The following SPNS1 variants were observed in gnomAD, a reference collection of about 807,000 sequenced individuals.
SPNS1 encodes the protein SPNS lysolipid transporter 1, lysophospholipid.
Under a neutral mutation model 50.3 loss-of-function variants are expected in SPNS1, and 22 were observed. The ratio of observed to expected loss-of-function variants is 0.44; its 90% CI spans 0.31 to 0.62. The LOEUF (loss-of-function observed/expected upper bound fraction) is 0.62, where lower values mean the gene tolerates loss of function less well. Ranked by LOEUF, SPNS1 falls within the 20% of genes least tolerant of loss-of-function variation. The pLI is 0.07. For synonymous variants in SPNS1, 295 were observed against 317.4 expected, an observed-to-expected ratio of 0.93 and a Z score of 0.75; for missense variants, 576 against 728.6, an observed-to-expected ratio of 0.79 and a Z score of 2.41.
rs193095728 is a variant in SPNS1, at chr16:28,981,796, C to G, written c.810-105C>G. On this transcript the variant is annotated intron_variant, in intron 6 of 11. Coordinates refer to ENST00000311008, the MANE Select transcript of SPNS1 (RefSeq NM_032038.3). The surrounding 1 kb of genome is among the most constrained non-coding windows in gnomAD (Gnocchi z 4.2). ...CCTGGGAGCCAGAACCACCTCTGCA[C>G]GGTGTTGTGACCTTACTAAAATAAG... is the stretch of plus-strand genomic sequence containing the variant. 2.3e-5 allele frequency: 35 copies of G among 1,525,800 alleles called. No individual in the cohort carries two copies. The African/African-American group carries it at 4.2e-4, about 18-fold the overall frequency. 94.5% of individuals were successfully genotyped at this position (1,525,800 alleles called of 1,614,324 possible).
rs1352416890 is a variant in SPNS1 at position 28,975,118 on chromosome 16, A to G, written c.-34A>G. On this transcript the variant is annotated 5_prime_UTR_variant, in exon 1 of 12. Transcript: ENST00000311008. ...CCTCGCAGGTGGGATCGTCGGTGGG[A>G]CCGGAGCGCGGGCGGGCGCGGCCCC... is the stretch of plus-strand genomic sequence containing the variant. The G allele has an allele frequency of 6.8e-7, 1 of 1,465,770 alleles. No homozygotes were observed. The highest frequency in any genetic ancestry group is 9.0e-7 in the Non-Finnish European group (1 of 1,112,790). The allele number at this position is 1,465,770 out of a possible 1,614,324, so 90.8% of individuals were successfully genotyped here.
chr16:28,983,130 C>T lies in SPNS1; in HGVS notation c.1222-62C>T, dbSNP rs1337765972. ...AGGCGGATCCTTGGTGGTCTCCTGG[C>T]CCCCTGCCTCCTGCCCCCTGGAGCC... On this transcript the variant is annotated intron_variant, in intron 9 of 11. Transcript: ENST00000311008. This position sits in a 1 kb window ranked among gnomAD's most constrained non-coding sequence, Gnocchi z 5.4. The T allele has an allele frequency of 2.2e-6, 3 of 1,386,748 alleles. No individual in the cohort carries two copies. The highest frequency in any genetic ancestry group is 1.7e-5 in the Admixed American group (1 of 58,660). 85.9% of individuals were successfully genotyped at this position (1,386,748 alleles called of 1,614,324 possible).
At chr16:28,977,660 C>T (rs1438069790) in intron 2 of SPNS1, among the ~76,000 whole-genome samples, 1 of 152,094 alleles carries the variant, frequency 6.6e-6, no homozygotes, top group African/African-American at 2.4e-5. Flanking sequence ...CTTGTTTTGG[C>T]TAGGTGGAAG....
Position 28,975,031 on chromosome 16 carries a change from C to T in SPNS1, c.-121C>T. 7.0e-7 allele frequency: 1 copy of T among 1,432,778 alleles called. No homozygotes were observed. 88.8% of individuals were successfully genotyped at this position (1,432,778 alleles called of 1,614,324 possible). On this transcript the variant is annotated 5_prime_UTR_variant, in exon 1 of 12. Transcript: ENST00000311008. ...TGCTCTGTGCTTCAGGGCAAGCTCC[C>T]CGTCTCCGGGCGCACTTCCCTCGCC...
chr16:28,984,282 G>C lies in SPNS1; in HGVS notation c.1570G>C (p.Ala524Pro). 1 of 1,612,592 alleles carries C rather than the reference G, an allele frequency of 6.2e-7. No homozygotes were observed. The highest frequency in any genetic ancestry group is 8.5e-7 in the Non-Finnish European group (1 of 1,179,870). The change falls in exon 12 of 12, where the codon GCC becomes CCC. Residue 524 changes from alanine (A) to proline (P), a missense_variant. By Grantham distance (27) the Ala-to-Pro change is conservative. This residue lies in a region of SPNS1 where 428 missense variants were observed against 520.1 expected (regional missense o/e 0.82). Coordinates refer to ENST00000311008, the MANE Select transcript of SPNS1 (RefSeq NM_032038.3). The stretch of plus-strand genomic sequence containing the variant: ...GGGCCGCTCCACCCGCGTGCCCGTG[G>C]CCAGTGTGCTCATCTGAGAGGCTGC... ...QRGRSTRVPV[A>P]SVLI
Position 28,974,791 on chromosome 16 carries a change from T to C in SPNS1, c.-361T>C. The C allele has an allele frequency of 2.6e-6, 4 of 1,535,586 alleles. No individual in the cohort carries two copies. Among genetic ancestry groups the C allele is most frequent in the Non-Finnish European group, 3.5e-6 (4 of 1,146,514 alleles). ...GGCTCCCGCGTCACATGACCGGCTT[T>C]AAGCAACATGGCGGCTGCCGTGGTG... On this transcript the variant is annotated 5_prime_UTR_variant, in exon 1 of 12. Coordinates refer to ENST00000311008, the MANE Select transcript of SPNS1 (RefSeq NM_032038.3).
Position 28,975,069 on chromosome 16 carries a change from A to T in SPNS1, c.-83A>T. 7.0e-7 allele frequency: 1 copy of T among 1,437,774 alleles called. No individual in the cohort carries two copies. Among genetic ancestry groups the T allele is most frequent in the South Asian group, 1.4e-5 (1 of 69,056 alleles). 89.1% of individuals were successfully genotyped at this position (1,437,774 alleles called of 1,614,324 possible). A position where few individuals can be genotyped will look rare whatever the true frequency, so the allele number is the denominator to read the frequency against. ...CACTTCCCTCGCCTGTGTTCGGTCC[A>T]TCCTCCTTTCTCCAGCCTCCTCCCC... is the stretch of plus-strand genomic sequence containing the variant. On this transcript the variant is annotated 5_prime_UTR_variant, in exon 1 of 12. Coordinates refer to ENST00000311008, the MANE Select transcript of SPNS1 (RefSeq NM_032038.3).
At chr16:28,982,659 C>A in intron 8 of SPNS1, 114 bp downstream of exon 8, 1 of 1,338,758 alleles carries the variant, frequency 7.5e-7, no homozygotes, top group East Asian at 2.3e-5. Context: ...TCTGGCTCTT[C>A]CCAGCTGTGT....
intron 7 of SPNS1, 38 bp downstream of exon 7, chr16:28,982,094 G>A: frequency 6.2e-7 from 1 of 1,602,586 alleles, no homozygotes. Flanking sequence ...CCTGCGGGTG[G>A]CAGGGCTGGA....
At chr16:28,979,582 G>T in intron 5 of SPNS1, 111 bp downstream of exon 5, 2 of 1,159,624 alleles carry the variant, frequency 1.7e-6, no homozygotes, top group Admixed American at 1.9e-5. Context: ...ACAGGGTCTT[G>T]TTGTGTCACC....
chr16:28,982,038 C>T lies in SPNS1; in HGVS notation c.947C>T (p.Ser316Phe), dbSNP rs757305402. The T allele has an allele frequency of 6.2e-6, 10 of 1,613,940 alleles. No homozygotes were observed. The East Asian group carries it at 1.1e-4, about 18-fold the overall frequency. ...ACCCCACCCTGCCTTCCCGGAGACT[C>T]CTGCTCTTCCTCTGACAGGTGCCCA... ...GETPPCLPGD[S>F]CSSSDSLIFG... Residue 316 changes from serine (S) to phenylalanine (F), a missense_variant, in exon 7 of 12, where the codon TCC becomes TTC. Physicochemically the swap from Ser to Phe is radical, Grantham distance 155 (BLOSUM62 -2). Around this residue, in one of 3 missense-constraint regions of SPNS1, gnomAD observed 428 missense variants for 520.1 expected, o/e 0.82. Coordinates refer to ENST00000311008, the MANE Select transcript of SPNS1 (RefSeq NM_032038.3).
At chr16:28,982,624 G>A in intron 8 of SPNS1, 79 bp downstream of exon 8, 4 of 1,466,442 alleles carry the variant, frequency 2.7e-6, no homozygotes, top group Non-Finnish European at 3.7e-6. Context: ...CACTCGAGGT[G>A]GAATGCCTGG....
chr16:28,978,441 C>T (rs955669687), intron 3 of SPNS1: 28 of 178,426 alleles, frequency 1.6e-4, no homozygotes, highest in African/African-American at 6.3e-4. Flanking sequence ...GCCTGCTCAC[C>T]CCTCGAGCGC....
chr16:28,979,498 G>A (rs1438837144), intron 5 of SPNS1, 27 bp downstream of exon 5: 1 of 1,612,244 alleles, frequency 6.2e-7, no homozygotes, highest in East Asian at 2.2e-5. Flanking sequence ...CCTGGGGGTA[G>A]GTCAGCGACG....
intron 5 of SPNS1, 186 bp downstream of exon 5, chr16:28,979,657 C>T: frequency 1.6e-6 from 1 of 627,554 alleles, no homozygotes; most frequent in Non-Finnish European, 2.8e-6. Flanking sequence ...CTCAAGTGAT[C>T]CTCCCACCTC....
intron 9 of SPNS1, 33 bp downstream of exon 9, chr16:28,982,955 G>A: frequency 6.2e-7 from 1 of 1,611,876 alleles, no homozygotes; most frequent in Non-Finnish European, 8.5e-7. Context: ...GGTCAGCGCA[G>A]AGGCTGATGA....
At position 28,983,931 on chromosome 16, in the gene SPNS1, G is replaced by C; in HGVS notation, c.1466G>C (p.Arg489Pro). The C allele has an allele frequency of 6.3e-7, 1 of 1,593,274 alleles. No homozygotes were observed. Among genetic ancestry groups the C allele is most frequent in the Non-Finnish European group, 8.5e-7 (1 of 1,175,954 alleles). Residue 489 changes from arginine (R) to proline (P), a missense_variant, in exon 11 of 12, where the codon CGC (arginine) becomes CCC (proline). Physicochemically the swap from Arg to Pro is moderately radical, Grantham distance 103 (BLOSUM62 -2). Transcript: ENST00000311008. The surrounding 1 kb of genome is among the most constrained non-coding windows in gnomAD (Gnocchi z 5.4). ...LGTAIFIEAD[R>P]RRAQLHVQGL... ...ACCGCCATCTTCATTGAGGCCGACCGCCGGCGGGCACAGCTGCACGTGCAG... is the reference window on the plus strand; with the variant it reads ...ACCGCCATCTTCATTGAGGCCGACCCCCGGCGGGCACAGCTGCACGTGCAG...
intron 5 of SPNS1, among the ~76,000 whole-genome samples, chr16:28,980,855 AAAAC>A (rs145012111): frequency 0.077 from 11,665 of 151,756 alleles, 1,447 homozygotes; most frequent in African/African-American, 0.27. Flanking sequence ...CTCTGTCTCG[AAAAC>A]AAACAAACAA....
In SPNS1 at chr16:28,974,808, G is replaced by C. The variant is rs1314291683; in HGVS notation, c.-344G>C. The C allele has an allele frequency of 6.5e-7, 1 of 1,535,750 alleles. No individual in the cohort carries two copies. The highest frequency in any genetic ancestry group is 2.4e-5 in the East Asian group (1 of 41,030). On this transcript the variant is annotated 5_prime_UTR_variant, in exon 1 of 12. Coordinates refer to ENST00000311008, the MANE Select transcript of SPNS1 (RefSeq NM_032038.3). ...ACCGGCTTTAAGCAACATGGCGGCT[G>C]CCGTGGTGCAGCGCCCGGGCTGAGC...
Sources: allele counts gnomAD v4.1 joint callset (sites outside exome capture counted in the v4.1 genomes callset), GRCh38; gene constraint gnomAD v4.1.1; regional missense constraint gnomAD v4.1.1; non-coding constraint Gnocchi (gnomAD v3.1); transcripts MANE v1.5; gene names NCBI Gene and HGNC (gene_info 2026-07-23, HGNC 2026-07-21).